The following ATP2C1 variants were observed in gnomAD, a reference collection of about 807,000 sequenced individuals.
ATP2C1 encodes the protein calcium-transporting ATPase type 2C member 1.
ATP2C1 carries 31 observed loss-of-function variants against 120.5 expected under a neutral mutation model. That is an observed-to-expected ratio of 0.26 (90% CI 0.19 to 0.35). The LOEUF is 0.35. Among genes scored for constraint, ATP2C1 ranks in the 10% least tolerant of loss-of-function variants. The probability of loss-of-function intolerance (pLI) is 1.00; values close to 1 mark genes in which losing one functional copy is unlikely to be tolerated. For synonymous variants in ATP2C1, 351 were observed against 358.7 expected (o/e 0.98, Z 0.24); for missense variants, 731 against 1,107.5 (o/e 0.66, Z 4.83).
At chr3:130,890,654 T>C (rs776279064), upstream of ATP2C1, among the ~76,000 whole-genome samples, 10 of 152,178 alleles carry the variant, frequency 6.6e-5, no homozygotes, top group Non-Finnish European at 1.5e-4. Context: ...AAGTAGCTCA[T>C]ATGAGTCCTT....
chr3:130,889,511 T>C (rs377396878), upstream of ATP2C1, among the ~76,000 whole-genome samples: 6 of 152,272 alleles, frequency 3.9e-5, no homozygotes, highest in African/African-American at 4.8e-5. Context: ...GGTGTGCAAT[T>C]TTATCTGCTC....
chr3:130,955,188 C>G, intron 10 of ATP2C1, 108 bp downstream of exon 10: 1 of 793,044 alleles, frequency 1.3e-6, no homozygotes, highest in Non-Finnish European at 2.2e-6. Flanking sequence ...ATATTTTATT[C>G]AGAATGGAAA....
At chr3:130,967,929 C>G (rs879872601) in intron 16 of ATP2C1, among the ~76,000 whole-genome samples, 1 of 152,004 alleles carries the variant, frequency 6.6e-6, no homozygotes, top group African/African-American at 2.4e-5. Flanking sequence ...TTCATCTGTC[C>G]CAATCCGTCT....
At chr3:130,897,599 A>C (rs2069746409) in intron 2 of ATP2C1, among the ~76,000 whole-genome samples, 1 of 152,188 alleles carries the variant, frequency 6.6e-6, no homozygotes. Context: ...GAGCATCAGC[A>C]TGAAGGTTTC....
At chr3:130,999,928 G>A (rs915309263) in intron 27 of ATP2C1, among the ~76,000 whole-genome samples, 1 of 152,080 alleles carries the variant, frequency 6.6e-6, no homozygotes, top group Non-Finnish European at 1.5e-5. Context: ...CTGCTCTAGA[G>A]TATAGTTTAT....
chr3:130,980,513 C>T (rs2061708078), intron 19 of ATP2C1, 69 bp from the exon 20 acceptor site: 1 of 1,026,184 alleles, frequency 9.7e-7, no homozygotes, highest in Non-Finnish European at 1.5e-6. Flanking sequence ...ACTAAATGAG[C>T]ATTACGTTGA....
chr3:130,993,901 T>C, intron 21 of ATP2C1, 31 bp from the exon 22 acceptor site: 2 of 1,613,436 alleles, frequency 1.2e-6, no homozygotes, highest in Non-Finnish European at 1.7e-6. Flanking sequence ...TCAAAATTCC[T>C]TCCTCTCCCC....
chr3:131,011,739 T>G (rs980057059), intron 26 of ATP2C1, among the ~76,000 whole-genome samples: 1 of 152,234 alleles, frequency 6.6e-6, no homozygotes, highest in Non-Finnish European at 1.5e-5. Context: ...CTGCTTTATG[T>G]AAGGGTAAAA....
At position 130,928,486 on chromosome 3, in the gene ATP2C1, T is replaced by TA. The variant is rs1025361199; in HGVS notation, c.7-1929dup. ...CCAAAGGATTAGTTGAGAAACATTT[T>TA]ATGAGTAAGGCTGTCATATTGCATG... On this transcript the variant is annotated intron_variant, in intron 2 of 27. Transcript: ENST00000510168. Among the ~76,000 whole-genome samples, 63 of 152,352 alleles carry TA rather than the reference T, an allele frequency of 4.1e-4. 1 individual carries two copies. The highest frequency in any genetic ancestry group is 1.1e-3 in the African/African-American group (46 of 41,576).
intron 2 of ATP2C1, among the ~76,000 whole-genome samples, chr3:130,903,700 C>T (rs1349373666): frequency 7.2e-6 from 1 of 138,498 alleles, no homozygotes; most frequent in African/African-American, 2.8e-5. Context: ...TTCCCCTTTC[C>T]CCTTTCCTTT....
At chr3:130,952,080 A>G (rs1292606817) in intron 8 of ATP2C1, among the ~76,000 whole-genome samples, 4 of 152,258 alleles carry the variant, frequency 2.6e-5, no homozygotes, top group African/African-American at 9.6e-5. Context: ...TGGAGCTCTC[A>G]GGTCTGTCAG....
At chr3:131,014,616 G>A (rs965062036) in intron 26 of ATP2C1, among the ~76,000 whole-genome samples, 3 of 152,280 alleles carry the variant, frequency 2.0e-5, no homozygotes, top group East Asian at 1.9e-4. Context: ...AACAAATTAC[G>A]TGATGCATGC....
At chr3:130,973,006 A>T (rs2108720786) in intron 17 of ATP2C1, among the ~76,000 whole-genome samples, 1 of 152,344 alleles carries the variant, frequency 6.6e-6, no homozygotes, top group East Asian at 1.9e-4. Flanking sequence ...AATGTTTATT[A>T]AATAAAGTCA....
intron 20 of ATP2C1, among the ~76,000 whole-genome samples, chr3:130,981,803 A>G (rs948924404): frequency 6.6e-6 from 1 of 152,208 alleles, no homozygotes; most frequent in African/African-American, 2.4e-5. Context: ...TTCCCTCACA[A>G]CTAGTGATGT....
chr3:130,893,659 T>TA (rs895249963), upstream of ATP2C1, among the ~76,000 whole-genome samples: 2 of 152,170 alleles, frequency 1.3e-5, no homozygotes, highest in African/African-American at 2.4e-5. Flanking sequence ...AGAGAGCGCT[T>TA]AAACGCCTCG....
At chr3:131,001,018 G>C (rs2062858024) in intron 27 of ATP2C1, among the ~76,000 whole-genome samples, 1 of 148,174 alleles carries the variant, frequency 6.7e-6, no homozygotes, top group South Asian at 2.1e-4. Context: ...CAGGCAAATG[G>C]CTTGAACCCA....
chr3:131,016,275 C>T (rs767326395), exon 27 of ATP2C1: 8 of 1,614,078 alleles, frequency 5.0e-6, no homozygotes, highest in Admixed American at 3.3e-5. Flanking sequence ...GCCGTGTCTG[C>T]GCCTTCACTC....
intron 2 of ATP2C1, among the ~76,000 whole-genome samples, chr3:130,910,434 T>C (rs1217344478): frequency 7.1e-6 from 1 of 141,312 alleles, no homozygotes; most frequent in Admixed American, 7.2e-5. Context: ...TTGAATACCC[T>C]TTATTTCCTT....
At chr3:130,964,462 A>G (rs2060964886) in intron 13 of ATP2C1, among the ~76,000 whole-genome samples, 3 of 152,106 alleles carry the variant, frequency 2.0e-5, no homozygotes, top group African/African-American at 7.2e-5. Context: ...CTGTAAGAAC[A>G]GTAAATTTAC....
Sources: allele counts gnomAD v4.1 joint callset (sites outside exome capture counted in the v4.1 genomes callset), GRCh38; gene constraint gnomAD v4.1.1; transcripts MANE v1.5; gene names NCBI Gene and HGNC (gene_info 2026-07-23, HGNC 2026-07-21).